Variants in CSMD1 observed in about 807,000 individuals in gnomAD.
CSMD1 encodes the protein CUB and sushi domain-containing protein 1.
CSMD1 carries 213 observed loss-of-function variants against 417.5 expected under a neutral mutation model. The observed-to-expected ratio is 0.51, with a 90% confidence interval of 0.46 to 0.57. The LOEUF is 0.57. Ranked by LOEUF, CSMD1 falls within the 20% of genes least tolerant of loss-of-function variation. The probability of loss-of-function intolerance (pLI) is 0.00; values close to 1 mark genes in which losing one functional copy is unlikely to be tolerated. For synonymous variants in CSMD1, 2,862 were observed against 1,736.8 expected, an observed-to-expected ratio of 1.65 and a Z score of -16.11; for missense variants, 6,923 against 4,529.7, an observed-to-expected ratio of 1.53 and a Z score of -15.17.
chr8:4,968,565 T>C (rs1289250009), intron 1 of CSMD1, among the ~76,000 whole-genome samples: 1 of 152,104 alleles, frequency 6.6e-6, no homozygotes, highest in African/African-American at 2.4e-5. Context: ...TATATTTTTT[T>C]CCGGGCCTGA....
chr8:3,740,733 G>C (rs1033409716), intron 6 of CSMD1, among the ~76,000 whole-genome samples: 7 of 152,136 alleles, frequency 4.6e-5, no homozygotes, highest in Non-Finnish European at 1.0e-4. Flanking sequence ...TAAAAGACTT[G>C]GTACCTAGTT....
At chr8:4,448,490 G>C (rs185538364) in intron 2 of CSMD1, among the ~76,000 whole-genome samples, 111 of 152,276 alleles carry the variant, frequency 7.3e-4, no homozygotes, top group Non-Finnish European at 1.3e-3. Flanking sequence ...CAGCAGAAAG[G>C]AAGCTCAGTC....
intron 3 of CSMD1, among the ~76,000 whole-genome samples, chr8:4,076,628 T>C (rs943397095): frequency 1.1e-4 from 17 of 152,208 alleles, no homozygotes; most frequent in African/African-American, 4.1e-4. Context: ...GCCTGTTACC[T>C]TTATTATAAG....
chr8:4,596,079 G>A (rs1343908230), intron 2 of CSMD1, among the ~76,000 whole-genome samples: 2 of 152,080 alleles, frequency 1.3e-5, no homozygotes, highest in African/African-American at 4.8e-5. Context: ...TCTCTCAAGG[G>A]CCAACTTCCC....
At chr8:3,970,288 GTCTT>G (rs1488174147) in intron 5 of CSMD1, among the ~76,000 whole-genome samples, 6 of 152,262 alleles carry the variant, frequency 3.9e-5, no homozygotes, top group Admixed American at 6.5e-5. Flanking sequence ...CTTTGAAACA[GTCTT>G]TCTAAGAGTA....
intron 2 of CSMD1, among the ~76,000 whole-genome samples, chr8:4,560,971 T>C (rs570558900): frequency 1.3e-5 from 2 of 152,254 alleles, no homozygotes; most frequent in African/African-American, 4.8e-5. Context: ...AGTCTTCCAC[T>C]GTTCTAAATA....
intron 3 of CSMD1, among the ~76,000 whole-genome samples, chr8:4,095,190 C>G (rs1222935882): frequency 6.6e-6 from 1 of 152,174 alleles, no homozygotes; most frequent in Non-Finnish European, 1.5e-5. Context: ...ACAGCGAACA[C>G]AAACTGGTTT....
chr8:3,396,687 AGATT>A (rs1237053403), intron 16 of CSMD1, among the ~76,000 whole-genome samples: 5 of 152,170 alleles, frequency 3.3e-5, no homozygotes, highest in Non-Finnish European at 7.4e-5. Flanking sequence ...CTTAGATGAT[AGATT>A]GATAGATAGA....
intron 2 of CSMD1, among the ~76,000 whole-genome samples, chr8:4,426,930 A>G (rs1437730225): frequency 1.2e-4 from 18 of 151,818 alleles, no homozygotes; most frequent in Non-Finnish European, 7.4e-5. Context: ...TATAGAAGAG[A>G]AATTATGGTA....
chr8:4,121,845 ATTC>A (rs1802505279), intron 3 of CSMD1, among the ~76,000 whole-genome samples: 1 of 152,106 alleles, frequency 6.6e-6, no homozygotes, highest in Non-Finnish European at 1.5e-5. Flanking sequence ...CAAAAAAAGC[ATTC>A]TTTTTTCAAT....
At chr8:3,679,940 G>A (rs906722712) in intron 7 of CSMD1, among the ~76,000 whole-genome samples, 1 of 152,058 alleles carries the variant, frequency 6.6e-6, no homozygotes, top group Non-Finnish European at 1.5e-5. Context: ...TGACTACTGG[G>A]TACATAACGA....
chr8:3,438,641 T>G (rs575046931), intron 12 of CSMD1, among the ~76,000 whole-genome samples: 141 of 152,296 alleles, frequency 9.3e-4, no homozygotes, highest in African/African-American at 3.3e-3. Flanking sequence ...TTTAACTGTT[T>G]GCATCTTCAA....
At chr8:3,291,229 G>C (rs751060126) in intron 25 of CSMD1, among the ~76,000 whole-genome samples, 20 of 152,110 alleles carry the variant, frequency 1.3e-4, no homozygotes, top group Non-Finnish European at 2.5e-4. Flanking sequence ...CCATTTGCCA[G>C]TATTTTATTG....
intron 1 of CSMD1, among the ~76,000 whole-genome samples, chr8:4,793,691 T>C (rs553569356): frequency 6.3e-4 from 96 of 152,228 alleles, no homozygotes; most frequent in African/African-American, 2.3e-3. Flanking sequence ...AAAGTGTACA[T>C]GGAGAGGTTG....
intron 3 of CSMD1, among the ~76,000 whole-genome samples, chr8:4,240,667 C>T (rs943904423): frequency 6.6e-6 from 1 of 152,166 alleles, no homozygotes; most frequent in African/African-American, 2.4e-5. Context: ...CTTATACACT[C>T]CTGGCTCCCA....
At chr8:4,547,814 G>C (rs974285002) in intron 2 of CSMD1, among the ~76,000 whole-genome samples, 10 of 152,214 alleles carry the variant, frequency 6.6e-5, no homozygotes, top group Admixed American at 5.9e-4. Flanking sequence ...TAATGTGGCA[G>C]AGAGAAACAA....
intron 2 of CSMD1, among the ~76,000 whole-genome samples, chr8:4,448,364 G>A (rs968789913): frequency 1.8e-4 from 27 of 152,082 alleles, no homozygotes; most frequent in Non-Finnish European, 1.5e-4. Flanking sequence ...CAATTAACAG[G>A]GAATAAAACA....
At chr8:3,720,967 C>A (rs987208781) in intron 6 of CSMD1, among the ~76,000 whole-genome samples, 5 of 151,832 alleles carry the variant, frequency 3.3e-5, no homozygotes, top group African/African-American at 9.7e-5. Flanking sequence ...AGGCACCCAC[C>A]ACTACACCCG....
chr8:3,254,009 G>A (rs756023608), intron 26 of CSMD1, among the ~76,000 whole-genome samples: 11 of 152,158 alleles, frequency 7.2e-5, no homozygotes, highest in Non-Finnish European at 1.5e-4. Context: ...GCAGTGGCTG[G>A]TACTAGTTGT....
Sources: allele counts gnomAD v4.1 joint callset (sites outside exome capture counted in the v4.1 genomes callset), GRCh38; gene constraint gnomAD v4.1.1; transcripts MANE v1.5; gene names NCBI Gene and HGNC (gene_info 2026-07-23, HGNC 2026-07-21).